The following NCAM1 variants were observed in gnomAD, a reference collection of about 807,000 sequenced individuals.
The protein encoded by NCAM1 is antigen recognized by monoclonal antibody 5.1H11.
Under a neutral mutation model 109.8 loss-of-function variants are expected in NCAM1, and 14 were observed. That is an observed-to-expected ratio of 0.13 (90% CI 0.08 to 0.20). The LOEUF (loss-of-function observed/expected upper bound fraction) is 0.20. Ranked by LOEUF, NCAM1 falls within the 10% of genes least tolerant of loss-of-function variation. The probability of loss-of-function intolerance (pLI) is 1.00; values close to 1 mark genes in which losing one functional copy is unlikely to be tolerated. For missense variants in NCAM1, 774 were observed against 1,109.9 expected, an observed-to-expected ratio of 0.70 and a Z score of 4.30; for synonymous variants, 418 against 442.9, an observed-to-expected ratio of 0.94 and a Z score of 0.70.
chr11:113,176,494 G>A (rs1943146093), intron 1 of NCAM1, among the ~76,000 whole-genome samples: 1 of 152,150 alleles, frequency 6.6e-6, no homozygotes, highest in Non-Finnish European at 1.5e-5. Context: ...TAAGAGATTA[G>A]GTGAAGGTCC....
At position 113,276,046 on chromosome 11, in the gene NCAM1, CTTCTTTTTCT is replaced by C. The variant is rs1946395077; in HGVS notation, c.*667_*676del. Reference sequence around the variant, plus strand: ...TAGATCTCAATTTGCAGTATTCAGACTTCTTTTTCTTTCTTTTACATTCTTTTTTCTTTCT... The same window carrying C: ...TAGATCTCAATTTGCAGTATTCAGACTTCTTTTACATTCTTTTTTCTTTCT... On this transcript the variant is annotated 3_prime_UTR_variant, in exon 20 of 20. Transcript: ENST00000316851. 1 of 151,098 alleles carries C rather than the reference CTTCTTTTTCT, an allele frequency of 6.6e-6. No homozygotes were observed. The highest frequency in any genetic ancestry group is 1.5e-5 in the Non-Finnish European group (1 of 67,612). The allele number at this position is 151,098 out of a possible 1,614,324, so 9.4% of individuals were successfully genotyped here.
intron 1 of NCAM1, among the ~76,000 whole-genome samples, chr11:113,051,410 T>A (rs7933591): frequency 2.6e-4 from 40 of 152,098 alleles, no homozygotes; most frequent in Middle Eastern, 3.4e-3. Context: ...TAAGTCTCTC[T>A]TAATTCTAAC....
intron 1 of NCAM1, among the ~76,000 whole-genome samples, chr11:113,070,857 G>A (rs1264235830): frequency 1.3e-5 from 2 of 152,168 alleles, no homozygotes; most frequent in African/African-American, 4.8e-5. Context: ...AATGGGAAAG[G>A]GAGCTGACTG....
intron 15 of NCAM1, among the ~76,000 whole-genome samples, chr11:113,247,630 G>A (rs1484346963): frequency 6.6e-6 from 1 of 152,154 alleles, no homozygotes; most frequent in Non-Finnish European, 1.5e-5. Flanking sequence ...TCCTGGACTT[G>A]CCTATGAGCC....
At chr11:113,026,193 G>A (rs1952540921) in intron 1 of NCAM1, among the ~76,000 whole-genome samples, 1 of 152,186 alleles carries the variant, frequency 6.6e-6, no homozygotes, top group Non-Finnish European at 1.5e-5. Flanking sequence ...TCCAGACATA[G>A]CATCTAAAGC....
intron 13 of NCAM1, among the ~76,000 whole-genome samples, chr11:113,234,684 A>T (rs1468554420): frequency 1.3e-5 from 2 of 152,260 alleles, no homozygotes; most frequent in Non-Finnish European, 2.9e-5. Context: ...CATTTCATGT[A>T]TCCATTCATC....
intron 1 of NCAM1, among the ~76,000 whole-genome samples, chr11:112,996,534 T>C (rs1555071455): frequency 6.6e-6 from 1 of 152,198 alleles, no homozygotes; most frequent in Non-Finnish European, 1.5e-5. Flanking sequence ...GATATAGGCA[T>C]CTTGATACAA....
At position 113,266,332 on chromosome 11, in the gene NCAM1, C is replaced by T. The variant is rs141198147; in HGVS notation, c.2132-3856C>T. 5.7e-3 allele frequency among the ~76,000 whole-genome samples: 861 copies of T among 152,336 alleles called. 10 individuals are homozygous for T. Among genetic ancestry groups the T allele is most frequent in the Non-Finnish European group, 8.6e-3 (583 of 68,036 alleles). On this transcript the variant is annotated intron_variant, in intron 17 of 19. Coordinates refer to ENST00000316851, the MANE Select transcript of NCAM1 (RefSeq NM_181351.5). ...TTGTAAAAGCCACAAACATTCTCTT[C>T]CTAGCTTAAAGAGCATCTCACCTGC...
At chr11:113,252,465 T>C (rs1341424600) in intron 15 of NCAM1, among the ~76,000 whole-genome samples, 5 of 150,498 alleles carry the variant, frequency 3.3e-5, no homozygotes, top group Non-Finnish European at 7.4e-5. Flanking sequence ...AACCTCATCA[T>C]CTTTTAAAAG....
intron 1 of NCAM1, among the ~76,000 whole-genome samples, chr11:113,081,199 C>T (rs1383762630): frequency 6.6e-6 from 1 of 152,148 alleles, no homozygotes; most frequent in Non-Finnish European, 1.5e-5. Flanking sequence ...GACTGCCTAC[C>T]CGCTGCGCTT....
chr11:113,174,954 G>T (rs1943101530), intron 1 of NCAM1, among the ~76,000 whole-genome samples: 1 of 152,166 alleles, frequency 6.6e-6, no homozygotes. Context: ...TGCTGGAGAA[G>T]GTTGTATATA....
At chr11:113,214,558 A>G in intron 8 of NCAM1, 47 bp downstream of exon 8, 2 of 1,550,668 alleles carry the variant, frequency 1.3e-6, no homozygotes, top group Admixed American at 1.9e-5. Context: ...GCAGACTCAA[A>G]GCAGATTGAG....
intron 1 of NCAM1, among the ~76,000 whole-genome samples, chr11:113,199,100 C>T (rs1555111374): frequency 6.6e-6 from 1 of 152,138 alleles, no homozygotes; most frequent in African/African-American, 2.4e-5. Context: ...AAGCACGTGT[C>T]TTTGAATCCA....
At chr11:113,208,679 G>T (rs1204860012) in intron 7 of NCAM1, among the ~76,000 whole-genome samples, 1 of 151,746 alleles carries the variant, frequency 6.6e-6, no homozygotes, top group African/African-American at 2.4e-5. Flanking sequence ...TCTCTCTCTC[G>T]TGACTCTTAC....
intron 1 of NCAM1, among the ~76,000 whole-genome samples, chr11:113,120,271 G>A (rs1194832707): frequency 6.6e-6 from 1 of 152,202 alleles, no homozygotes; most frequent in Non-Finnish European, 1.5e-5. Context: ...CACCCTGTGG[G>A]CTGACATTAT....
intron 14 of NCAM1, among the ~76,000 whole-genome samples, chr11:113,237,076 G>A (rs554078949): frequency 3.3e-5 from 5 of 152,290 alleles, no homozygotes; most frequent in Admixed American, 3.3e-4. Flanking sequence ...CTAGGGAAGG[G>A]GAGATTCCCC....
chr11:112,963,682 C>T lies in NCAM1; in HGVS notation c.52+2018C>T, dbSNP rs1391127357. On this transcript the variant is annotated intron_variant, in intron 1 of 19. Coordinates refer to ENST00000316851, the MANE Select transcript of NCAM1 (RefSeq NM_181351.5). This position sits in a 1 kb window ranked among gnomAD's most constrained non-coding sequence, Gnocchi z 4.6. ...GGGAAGGGGGGTGTTTTTGAGACAT[C>T]CTCGCCCCCGGGTGGGAGCGTGACA... is the stretch of plus-strand genomic sequence containing the variant. Among the ~76,000 whole-genome samples, 2 of 152,206 alleles carry T rather than the reference C, an allele frequency of 1.3e-5. No homozygotes were observed. Among genetic ancestry groups the T allele is most frequent in the African/African-American group, 2.4e-5 (1 of 41,456 alleles).
intron 14 of NCAM1, 53 bp from the exon 15 acceptor site, chr11:113,246,315 C>T (rs1555120192): frequency 2.7e-6 from 2 of 728,866 alleles, no homozygotes; most frequent in Non-Finnish European, 5.0e-6. Flanking sequence ...TATCATGTGA[C>T]TTTGTCATGT....
At chr11:113,234,739 C>A (rs556780135) in intron 13 of NCAM1, among the ~76,000 whole-genome samples, 1 of 152,320 alleles carries the variant, frequency 6.6e-6, no homozygotes, top group South Asian at 2.1e-4. Flanking sequence ...GTGAATGATG[C>A]TGCTGTGAAC....
Sources: allele counts gnomAD v4.1 joint callset (sites outside exome capture counted in the v4.1 genomes callset), GRCh38; gene constraint gnomAD v4.1.1; non-coding constraint Gnocchi (gnomAD v3.1); transcripts MANE v1.5; gene names NCBI Gene and HGNC (gene_info 2026-07-23, HGNC 2026-07-21).